Variants in PHACTR2 observed in about 807,000 individuals in gnomAD.
The protein encoded by PHACTR2 is chromosome 6 open reading frame 56.
PHACTR2 carries 30 observed loss-of-function variants against 76.0 expected under a neutral mutation model. That is an observed-to-expected ratio of 0.39 (90% CI 0.30 to 0.54). PHACTR2 has a LOEUF of 0.54. Among genes scored for constraint, PHACTR2 ranks in the 20% least tolerant of loss-of-function variants. The pLI, the probability that PHACTR2 is intolerant of heterozygous loss-of-function variation, is 0.61. For synonymous variants in PHACTR2, 292 were observed against 292.5 expected (o/e 1.00, Z 0.02); for missense variants, 696 against 781.1 (o/e 0.89, Z 1.30).
At chr6:143,703,638 C>T (rs1777967032) in intron 1 of PHACTR2, among the ~76,000 whole-genome samples, 1 of 152,014 alleles carries the variant, frequency 6.6e-6, no homozygotes, top group Admixed American at 6.6e-5. Context: ...TGTTCTTTTA[C>T]TCTTAGGGAT....
intron 11 of PHACTR2, among the ~76,000 whole-genome samples, chr6:143,802,968 C>G (rs1275895549): frequency 6.6e-6 from 1 of 152,102 alleles, no homozygotes; most frequent in Non-Finnish European, 1.5e-5. Flanking sequence ...CACATCACTT[C>G]CATTGCCATA....
chr6:143,818,766 C>T lies in PHACTR2; in HGVS notation c.1923-4908C>T, dbSNP rs1776355320. Among the ~76,000 whole-genome samples, 1 of 152,072 alleles carries T rather than the reference C, an allele frequency of 6.6e-6. No homozygotes were observed. Among genetic ancestry groups the T allele is most frequent in the African/African-American group, 2.4e-5 (1 of 41,410 alleles). On this transcript the variant is annotated intron_variant, in intron 12 of 12. Coordinates refer to ENST00000440869, the MANE Select transcript of PHACTR2 (RefSeq NM_001100164.2). The surrounding 1 kb of genome is among the most constrained non-coding windows in gnomAD (Gnocchi z 4.9). ...CGAGAACAGCATGGGGGAAACCACT[C>T]GCCTGATTCAATTACCTCCCACCAG...
intron 1 of PHACTR2, among the ~76,000 whole-genome samples, chr6:143,657,325 C>T (rs1776865278): frequency 6.6e-6 from 1 of 152,100 alleles, no homozygotes; most frequent in African/African-American, 2.4e-5. Context: ...GCACTCCACA[C>T]CCCTATCAAG....
chr6:143,566,313 G>C (rs555693532), intron 1 of PHACTR2, among the ~76,000 whole-genome samples: 74 of 150,440 alleles, frequency 4.9e-4, no homozygotes, highest in African/African-American at 1.7e-3. Flanking sequence ...TTTTTTTTTA[G>C]AGACAGGGTC....
rs73000503 is a variant in PHACTR2, at chr6:143,806,269, G to A, written c.1846-788G>A. On this transcript the variant is annotated intron_variant, in intron 11 of 12. Transcript: ENST00000440869. The surrounding 1 kb of genome is among the most constrained non-coding windows in gnomAD (Gnocchi z 5.8). ...ACACGGATTATGTGTTCTTTAAATA[G>A]CAATGCATTCTATTTGATATTTTCT... Among the ~76,000 whole-genome samples, 1,257 of 152,204 alleles carry A rather than the reference G, an allele frequency of 8.3e-3. 11 individuals carry two copies. Among genetic ancestry groups the A allele is most frequent in the Non-Finnish European group, 0.01 (705 of 67,996 alleles).
rs571442827 is a variant in PHACTR2, at chr6:143,619,840, C to T, written c.13+11518C>T. Among the ~76,000 whole-genome samples, 3 of 152,048 alleles carry T rather than the reference C, an allele frequency of 2.0e-5. No homozygotes were observed. Among genetic ancestry groups the T allele is most frequent in the African/African-American group, 4.8e-5 (2 of 41,400 alleles). ...TATAGCCAGTCCCAAACTTTGACAG[C>T]GGTCAGTATGGTATAAAGAGTGAAA... On this transcript the variant is annotated intron_variant, in intron 1 of 11. Coordinates refer to the PHACTR2 transcript ENST00000305766. The surrounding 1 kb of genome is among the most constrained non-coding windows in gnomAD (Gnocchi z 4.5).
rs1779250384 is a variant in PHACTR2, at chr6:143,754,167, T to C, written c.454+255T>C. 1 of 243,282 alleles carries C rather than the reference T, an allele frequency of 4.1e-6. No individual in the cohort carries two copies. The highest frequency in any genetic ancestry group is 5.1e-5 in the Admixed American group (1 of 19,452). The allele number at this position is 243,282 out of a possible 1,614,324, so 15.1% of individuals were successfully genotyped here. On this transcript the variant is annotated intron_variant, in intron 4 of 12. Transcript: ENST00000440869. The surrounding 1 kb of genome is among the most constrained non-coding windows in gnomAD (Gnocchi z 6.2). ...AATTAAAAGTAATAATCAGAAGGGG[T>C]GGCCTCTTTAATCATTAGAGATGTC...
At position 143,645,303 on chromosome 6, in the gene PHACTR2, T is replaced by C. The variant is rs939961736; in HGVS notation, c.13+36981T>C. ...ACTGTAATATATATATATATGAATA[T>C]ATATGAATATATATAGATGATGGAA... On this transcript the variant is annotated intron_variant, in intron 1 of 11. Coordinates refer to the PHACTR2 transcript ENST00000305766. Among the ~76,000 whole-genome samples the C allele has an allele frequency of 5.5e-4, 84 of 151,684 alleles. 3 individuals carry two copies. Among genetic ancestry groups the C allele is most frequent in the Admixed American group, 1.3e-4 (2 of 15,200 alleles).
chr6:143,785,467 G>A (rs1775534262), intron 10 of PHACTR2, among the ~76,000 whole-genome samples: 1 of 152,192 alleles, frequency 6.6e-6, no homozygotes, highest in Non-Finnish European at 1.5e-5. Flanking sequence ...TTGAGTGTCT[G>A]CAGCTTTTCT....
At position 143,799,496 on chromosome 6, in the gene PHACTR2, C is replaced by T. The variant is rs913496392; in HGVS notation, c.1846-7561C>T. ...TGATGTTAGGGTGTCGATTTTAGATCTCTCTTGCTTTCTCTTGTGGGCATT... is the reference window on the plus strand; with the variant it reads ...TGATGTTAGGGTGTCGATTTTAGATTTCTCTTGCTTTCTCTTGTGGGCATT... On this transcript the variant is annotated intron_variant, in intron 11 of 12. Coordinates refer to ENST00000440869, the MANE Select transcript of PHACTR2 (RefSeq NM_001100164.2). Among the ~76,000 whole-genome samples, 16 of 152,208 alleles carry T rather than the reference C, an allele frequency of 1.1e-4. No individual in the cohort carries two copies. In the South Asian group the frequency reaches 1.2e-3, roughly 12 times the overall value.
At chr6:143,614,526 T>C (rs1454745666) in intron 1 of PHACTR2, among the ~76,000 whole-genome samples, 2 of 152,204 alleles carry the variant, frequency 1.3e-5, no homozygotes. Flanking sequence ...AAGTTACTTT[T>C]GGTAAGTAAC....
Position 143,557,612 on chromosome 6 carries a change from C to A in PHACTR2, c.217+20405C>A, listed in dbSNP as rs1775197028. 6.6e-6 allele frequency: 1 copy of A among 152,276 alleles called. No homozygotes were observed. Among genetic ancestry groups the A allele is most frequent in the African/African-American group, 2.4e-5 (1 of 41,446 alleles). 9.4% of individuals were successfully genotyped at this position (152,276 alleles called of 1,614,324 possible). ...ACCGGACCATGTGGACCTGGTCCAGCTCTTCCAGACTCTTCCACACTCCAG... is the reference window on the plus strand; with the variant it reads ...ACCGGACCATGTGGACCTGGTCCAGATCTTCCAGACTCTTCCACACTCCAG... On this transcript the variant is annotated intron_variant, in intron 1 of 11. Coordinates refer to the PHACTR2 transcript ENST00000367584. The surrounding 1 kb of genome is among the most constrained non-coding windows in gnomAD (Gnocchi z 5.5).
rs908326324 is a variant in PHACTR2 at position 143,658,792 on chromosome 6, A to G, written c.13+50470A>G. ...GTAATCTCAGCACTTCGGGAGGCCA[A>G]GGTGGCAGGATCACTTGAGGTCAAG... is the stretch of plus-strand genomic sequence containing the variant. On this transcript the variant is annotated intron_variant, in intron 1 of 11. Transcript: ENST00000305766. The surrounding 1 kb of genome is among the most constrained non-coding windows in gnomAD (Gnocchi z 4.1). Among the ~76,000 whole-genome samples the G allele has an allele frequency of 1.4e-4, 22 of 152,198 alleles. No individual in the cohort carries two copies. Among genetic ancestry groups the G allele is most frequent in the African/African-American group, 5.3e-4 (22 of 41,454 alleles).
At position 143,731,706 on chromosome 6, in the gene PHACTR2, T is replaced by C. The variant is rs561249973; in HGVS notation, c.215-17279T>C. Among the ~76,000 whole-genome samples, 7 of 152,334 alleles carry C rather than the reference T, an allele frequency of 4.6e-5. No homozygotes were observed. Among genetic ancestry groups the C allele is most frequent in the Non-Finnish European group, 8.8e-5 (6 of 68,034 alleles). On this transcript the variant is annotated intron_variant, in intron 2 of 12. Transcript: ENST00000440869. This position sits in a 1 kb window ranked among gnomAD's most constrained non-coding sequence, Gnocchi z 4.9. The stretch of plus-strand genomic sequence containing the variant: ...GTTCTTGCACTATCTTTGTCTAGGT[T>C]TGATATCAGGGCAACACCAACTTTA...
rs545481003 is a variant in PHACTR2, at chr6:143,684,632, G to A, written c.46+6423G>A. ...ATCTGCTTATTATATGAGAATTTCT[G>A]TTTCTGTACTCTGTCACCACCACTG... On this transcript the variant is annotated intron_variant, in intron 1 of 12. Coordinates refer to ENST00000440869, the MANE Select transcript of PHACTR2 (RefSeq NM_001100164.2). The surrounding 1 kb of genome is among the most constrained non-coding windows in gnomAD (Gnocchi z 4.3). Among the ~76,000 whole-genome samples the A allele has an allele frequency of 8.4e-4, 128 of 152,300 alleles. No homozygotes were observed. Among genetic ancestry groups the A allele is most frequent in the African/African-American group, 2.9e-3 (121 of 41,572 alleles).
intron 2 of PHACTR2, among the ~76,000 whole-genome samples, chr6:143,718,875 GTTTTTTT>G (rs1226236202): frequency 1.9e-4 from 23 of 123,576 alleles, no homozygotes; most frequent in African/African-American, 6.1e-4. Context: ...AGTTGGAAGT[GTTTTTTT>G]TTTTTTTTTT....
intron 1 of PHACTR2, among the ~76,000 whole-genome samples, chr6:143,628,944 T>TAG (rs1422585617): frequency 4.6e-5 from 2 of 43,892 alleles, no homozygotes; most frequent in South Asian, 5.5e-4. Context: ...TATATATATA[T>TAG]ATATATATAT....
At chr6:143,718,087 A>T (rs1031249360) in intron 2 of PHACTR2, among the ~76,000 whole-genome samples, 3 of 152,178 alleles carry the variant, frequency 2.0e-5, no homozygotes, top group Non-Finnish European at 4.4e-5. Flanking sequence ...AATAAAATGG[A>T]GACTTTTATT....
rs568848467 is a variant in PHACTR2, at chr6:143,624,926, C to G, written c.13+16604C>G. On this transcript the variant is annotated intron_variant, in intron 1 of 11. Coordinates refer to the PHACTR2 transcript ENST00000305766. The surrounding 1 kb of genome is among the most constrained non-coding windows in gnomAD (Gnocchi z 4.6). The stretch of plus-strand genomic sequence containing the variant: ...ATCCCAGTACTTTGGGAGGCCGAGG[C>G]GGGCGGATCATTTGAGGTCAGGAGT... 6.6e-6 allele frequency among the ~76,000 whole-genome samples: 1 copy of G among 152,102 alleles called. No homozygotes were observed. The highest frequency in any genetic ancestry group is 2.1e-4 in the South Asian group (1 of 4,820).
Sources: allele counts gnomAD v4.1 joint callset (sites outside exome capture counted in the v4.1 genomes callset), GRCh38; gene constraint gnomAD v4.1.1; non-coding constraint Gnocchi (gnomAD v3.1); transcripts MANE v1.5; gene names NCBI Gene and HGNC (gene_info 2026-07-23, HGNC 2026-07-21).